FAM91A1: variants seen among roughly 807,000 people sequenced by gnomAD.
FAM91A1 encodes the protein protein FAM91A1.
FAM91A1 carries 41 observed loss-of-function variants against 113.5 expected under a neutral mutation model. The ratio of observed to expected loss-of-function variants is 0.36; its 90% CI spans 0.28 to 0.47. The LOEUF is 0.47. Ranked by LOEUF, FAM91A1 falls within the 20% of genes least tolerant of loss-of-function variation. The pLI, the probability that FAM91A1 is intolerant of heterozygous loss-of-function variation, is 1.00. For missense variants in FAM91A1, 696 were observed against 1,001.2 expected (o/e 0.70, Z 4.11); for synonymous variants, 307 against 347.9 (o/e 0.88, Z 1.31).
At position 123,814,140 on chromosome 8, in the gene FAM91A1, T is replaced by C. The variant is rs1480043104; in HGVS notation, c.*1436T>C. The C allele has an allele frequency of 2.6e-6, 1 of 392,036 alleles. No individual in the cohort carries two copies. Among genetic ancestry groups the C allele is most frequent in the East Asian group, 9.2e-5 (1 of 10,822 alleles). 24.3% of individuals were successfully genotyped at this position (392,036 alleles called of 1,614,324 possible). On this transcript the variant is annotated 3_prime_UTR_variant, in exon 24 of 24. Transcript: ENST00000334705. ...GTGTTTGAGGTAAATGCAGTAACGG[T>C]TAGTTTTCTACTTTGTCTTATAGAA...
rs193192740 is a variant in FAM91A1 at position 123,806,209 on chromosome 8, G to A, written c.2012G>A (p.Ser671Asn). 9.0e-5 allele frequency: 145 copies of A among 1,612,802 alleles called. No individual in the cohort carries two copies. Among genetic ancestry groups the A allele is most frequent in the Non-Finnish European group, 8.5e-6 (10 of 1,179,280 alleles). Residue 671 changes from serine to asparagine, a missense_variant, in exon 20 of 24, where the codon AGT (serine) becomes AAT (asparagine). Ser to Asn is a conservative substitution (Grantham distance 46, BLOSUM62 1). Coordinates refer to ENST00000334705, the MANE Select transcript of FAM91A1 (RefSeq NM_144963.4). Reference sequence around the variant, plus strand: ...AGCCAACTTGCAGATAGAAAACTCAGTGATGCTTCTGATGAGAGAGGTTAG... The same window carrying A: ...AGCCAACTTGCAGATAGAAAACTCAATGATGCTTCTGATGAGAGAGGTTAG... ...ASSQLADRKL[S>N]DASDERGEPD...
In FAM91A1 at chr8:123,813,672, T is replaced by C. The variant is rs1387640922; in HGVS notation, c.*968T>C. 3 of 152,264 alleles carry C rather than the reference T, an allele frequency of 2.0e-5. No homozygotes were observed. Among genetic ancestry groups the C allele is most frequent in the Non-Finnish European group, 4.4e-5 (3 of 68,044 alleles). 9.4% of individuals were successfully genotyped at this position (152,264 alleles called of 1,614,324 possible). A position where few individuals can be genotyped will look rare whatever the true frequency, so the allele number is the denominator to read the frequency against. On this transcript the variant is annotated 3_prime_UTR_variant, in exon 24 of 24. Transcript: ENST00000334705. ...CTGGATCTTAAATTTATGTGAATACTTTTTTAGAAAATGATAAAGAAAAAT... is the reference window on the plus strand; with the variant it reads ...CTGGATCTTAAATTTATGTGAATACCTTTTTAGAAAATGATAAAGAAAAAT...
At chr8:123,769,418 G>A (rs1814786410) in intron 1 of FAM91A1, among the ~76,000 whole-genome samples, 1 of 152,198 alleles carries the variant, frequency 6.6e-6, no homozygotes, top group South Asian at 2.1e-4. Context: ...GAGTGCGCGG[G>A]GCTGGTAGCA....
rs1815091960 is a variant in FAM91A1 at position 123,780,468 on chromosome 8, T to C, written c.641-12T>C. 2 of 1,602,582 alleles carry C rather than the reference T, an allele frequency of 1.2e-6. No homozygotes were observed. The highest frequency in any genetic ancestry group is 2.7e-5 in the African/African-American group (2 of 74,506). ...GTGTTCCATCTAAAACAAGGTACTT[T>C]TGTTTCTTCAGGTTTGTATAACAAA... On this transcript the variant is annotated splice_polypyrimidine_tract_variant and intron_variant, in intron 7 of 23. Coordinates refer to ENST00000334705, the MANE Select transcript of FAM91A1 (RefSeq NM_144963.4).
At chr8:123,797,438 T>A (rs1815555525) in intron 15 of FAM91A1, among the ~76,000 whole-genome samples, 1 of 152,172 alleles carries the variant, frequency 6.6e-6, no homozygotes, top group African/African-American at 2.4e-5. Flanking sequence ...TTCCACCTCT[T>A]CTGCCTCTGT....
In FAM91A1 at chr8:123,785,133, A is replaced by G. The variant is rs1306252972; in HGVS notation, c.849+14A>G. The stretch of plus-strand genomic sequence containing the variant: ...TCCCTGGTTAAGGTATGTTATTTTT[A>G]TACTCATTTACTGGTGATGTGATAA... On this transcript the variant is annotated intron_variant, in intron 10 of 23. Transcript: ENST00000334705. 7 of 1,582,454 alleles carry G rather than the reference A, an allele frequency of 4.4e-6. No individual in the cohort carries two copies. The highest frequency in any genetic ancestry group is 6.0e-6 in the Non-Finnish European group (7 of 1,165,932).
At chr8:123,793,239 T>C (rs949038932) in intron 15 of FAM91A1, among the ~76,000 whole-genome samples, 1 of 152,172 alleles carries the variant, frequency 6.6e-6, no homozygotes, top group Non-Finnish European at 1.5e-5. Context: ...ACTATTTTTT[T>C]TCTCTCACAA....
chr8:123,802,507 C>T (rs564008665), intron 18 of FAM91A1, among the ~76,000 whole-genome samples: 2 of 152,044 alleles, frequency 1.3e-5, no homozygotes, highest in African/African-American at 2.4e-5. Flanking sequence ...GATACCACTA[C>T]TCTGGGGAAC....
chr8:123,786,550 A>C lies in FAM91A1; in HGVS notation c.1018A>C (p.Ser340Arg). 2.5e-6 allele frequency: 4 copies of C among 1,614,118 alleles called. No homozygotes were observed. The highest frequency in any genetic ancestry group is 3.4e-6 in the Non-Finnish European group (4 of 1,180,004). The change falls in exon 12 of 24, where the codon AGT becomes CGT. Residue 340 changes from serine (S) to arginine (R), a missense_variant. Coordinates refer to ENST00000334705, the MANE Select transcript of FAM91A1 (RefSeq NM_144963.4). ...LLSWDGGESRSPVQEASSATD... is the reference protein window; with the variant it reads ...LLSWDGGESRRPVQEASSATD... Reference sequence around the variant, plus strand: ...GTCATGGGATGGAGGGGAAAGTAGGAGTCCTGTACAAGAAGCTTCATCGGC... The same window carrying C: ...GTCATGGGATGGAGGGGAAAGTAGGCGTCCTGTACAAGAAGCTTCATCGGC...
chr8:123,792,811 A>T (rs1364753119), intron 15 of FAM91A1, among the ~76,000 whole-genome samples: 7 of 152,144 alleles, frequency 4.6e-5, no homozygotes, highest in African/African-American at 1.7e-4. Context: ...TCCCCGTATG[A>T]CTTAGATAAG....
Position 123,812,519 on chromosome 8 carries a change from G to T in FAM91A1, c.2332G>T (p.Glu778Ter), listed in dbSNP as rs1422241386. 5.1e-6 allele frequency: 8 copies of T among 1,573,058 alleles called. No individual in the cohort carries two copies. The highest frequency in any genetic ancestry group is 1.2e-5 in the South Asian group (1 of 83,584). ...TTTCTCTTGTTTCTTGATCTTTTAG[G>T]AAGGTGCTTCAATATTGGATATTCA... is the stretch of plus-strand genomic sequence containing the variant. ...QVLNFVHSFQ[E>*]GASILDIHTE... The change falls in exon 24 of 24, where the codon GAA (glutamate) becomes TAA (stop). Residue 778 changes from glutamate to a stop codon, truncating the protein, a stop_gained and splice_region_variant. Coordinates refer to ENST00000334705, the MANE Select transcript of FAM91A1 (RefSeq NM_144963.4). LOFTEE classifies it high-confidence loss of function.
intron 18 of FAM91A1, among the ~76,000 whole-genome samples, chr8:123,803,971 A>C (rs577280408): frequency 6.6e-6 from 1 of 152,316 alleles, no homozygotes; most frequent in African/African-American, 2.4e-5. Flanking sequence ...TAAGTTCTTC[A>C]TGCTTCTTGT....
intron 8 of FAM91A1, 76 bp downstream of exon 8, chr8:123,780,618 G>T: frequency 8.4e-7 from 1 of 1,189,068 alleles, no homozygotes; most frequent in Non-Finnish European, 1.2e-6. Context: ...ATCCGTTCTA[G>T]GATCTTAGAT....
At chr8:123,796,906 C>T (rs1164334944) in intron 15 of FAM91A1, among the ~76,000 whole-genome samples, 3 of 151,224 alleles carry the variant, frequency 2.0e-5, no homozygotes, top group Non-Finnish European at 4.4e-5. Context: ...ACTAAAAATA[C>T]AAAAATTACC....
intron 18 of FAM91A1, among the ~76,000 whole-genome samples, chr8:123,803,316 A>G (rs1324891308): frequency 1.3e-5 from 2 of 149,724 alleles, no homozygotes; most frequent in Non-Finnish European, 3.0e-5. Flanking sequence ...GTTTTTATTT[A>G]TTTATTGTTT....
chr8:123,785,566 T>A, intron 10 of FAM91A1, 63 bp from the exon 11 acceptor site: 1 of 1,126,372 alleles, frequency 8.9e-7, no homozygotes, highest in Admixed American at 2.2e-5. Context: ...ATTTTTTCTC[T>A]ACAAATATTG....
chr8:123,788,439 A>G (rs572734202), intron 14 of FAM91A1, among the ~76,000 whole-genome samples: 1 of 152,088 alleles, frequency 6.6e-6, no homozygotes, highest in African/African-American at 2.4e-5. Context: ...TGCACTGTTT[A>G]GAGAATTTGT....
chr8:123,804,337 A>C (rs1815752836), intron 18 of FAM91A1, among the ~76,000 whole-genome samples: 2 of 151,556 alleles, frequency 1.3e-5, no homozygotes, highest in South Asian at 4.2e-4. Context: ...AATACAAAAA[A>C]ATAGTTAGCC....
At chr8:123,795,869 G>A (rs151071149) in intron 15 of FAM91A1, among the ~76,000 whole-genome samples, 4 of 152,258 alleles carry the variant, frequency 2.6e-5, no homozygotes, top group Admixed American at 6.5e-5. Context: ...TCAGGACTGC[G>A]CTTATCTATA....
Sources: gnomAD v4.1 joint callset for allele counts (sites outside exome capture counted in the v4.1 genomes callset) on GRCh38, gnomAD v4.1.1 for gene constraint, MANE v1.5 for transcripts, NCBI Gene and HGNC (gene_info 2026-07-23, HGNC 2026-07-21) for gene names.